The following ZNF594 variants were observed in gnomAD, a reference collection of about 807,000 sequenced individuals.
ZNF594 encodes zinc finger protein HZF18.
For missense variants in ZNF594, 1,037 were observed against 964.6 expected, an observed-to-expected ratio of 1.08 and a Z score of -0.99; for synonymous variants, 336 against 309.4, an observed-to-expected ratio of 1.09 and a Z score of -0.90.
rs764886268 is a variant in ZNF594, at chr17:5,182,331, G to A, written c.1926C>T (p.His642=). The A allele has an allele frequency of 2.4e-5, 39 of 1,613,220 alleles. 1 individual carries two copies. The South Asian group carries it at 3.7e-4, about 15-fold the overall frequency. Residue 642 remains histidine, a synonymous_variant, in exon 2 of 2, where the codon CAC becomes CAT. Transcript: ENST00000575779. ...SFRGSSDLIK[H]HRIHTGEKPY... is the part of the protein sequence containing the mutation. ...GTTTCTCTCCAGTATGAATACGATG[G>A]TGTTTAATAAGATCTGAGCTACCCC...
At chr17:5,189,005 C>T (rs574996783) in intron 1 of ZNF594, among the ~76,000 whole-genome samples, 5 of 151,656 alleles carry the variant, frequency 3.3e-5, no homozygotes, top group African/African-American at 1.2e-4. Context: ...CCTTGGCCTC[C>T]CAAAGTGCTG....
chr17:5,178,070 G>GCT (rs2074317152), downstream of ZNF594, among the ~76,000 whole-genome samples: 1 of 142,864 alleles, frequency 7.0e-6, no homozygotes. Flanking sequence ...ATATTTTTCA[G>GCT]TTTTTTTTTT....
In ZNF594 at chr17:5,182,330, G is replaced by A; in HGVS notation, c.1927C>T (p.His643Tyr). ...FRGSSDLIKH[H>Y]RIHTGEKPYE... is the part of the protein sequence containing the mutation. The stretch of plus-strand genomic sequence containing the variant: ...GGTTTCTCTCCAGTATGAATACGAT[G>A]GTGTTTAATAAGATCTGAGCTACCC... The change falls in exon 2 of 2, where the codon CAT becomes TAT. Residue 643 changes from histidine (H) to tyrosine (Y), a missense_variant. Coordinates refer to ENST00000575779, the MANE Select transcript of ZNF594 (RefSeq NM_032530.2). 6.2e-7 allele frequency: 1 copy of A among 1,613,456 alleles called. No individual in the cohort carries two copies. The highest frequency in any genetic ancestry group is 8.5e-7 in the Non-Finnish European group (1 of 1,179,976).
At chr17:5,174,236 T>G in the ZNF594 span, 26 of 190,502 alleles carry the variant, frequency 1.4e-4, no homozygotes, top group East Asian at 2.1e-3. Flanking sequence ...TTATTTGAGG[T>G]AGAATTTTTT....
At chr17:5,177,197 T>TAAA (rs79095133), downstream of ZNF594, among the ~76,000 whole-genome samples, 1 of 106,144 alleles carries the variant, frequency 9.4e-6, no homozygotes. Context: ...CTCTGTCTCA[T>TAAA]AAAAAAAAAA....
rs973858688 is a variant in ZNF594 at position 5,181,027 on chromosome 17, A to G, written c.*806T>C. ...TTCTGGTGCTTAAGAAAAGCTGTCC[A>G]CCCACTGAAGGCCTTACCACAGTTG... On this transcript the variant is annotated 3_prime_UTR_variant, in exon 2 of 2. Coordinates refer to ENST00000575779, the MANE Select transcript of ZNF594 (RefSeq NM_032530.2). 3 of 921,556 alleles carry G rather than the reference A, an allele frequency of 3.3e-6. No homozygotes were observed. Among genetic ancestry groups the G allele is most frequent in the Non-Finnish European group, 5.2e-6 (3 of 572,864 alleles). 57.1% of individuals were successfully genotyped at this position (921,556 alleles called of 1,614,324 possible).
chr17:5,179,172 C>A (rs938624409), downstream of ZNF594, among the ~76,000 whole-genome samples: 2 of 149,812 alleles, frequency 1.3e-5, no homozygotes, highest in African/African-American at 2.4e-5. Context: ...AGCAGCCTGG[C>A]GCTCCTGGCC....
intron 1 of ZNF594, among the ~76,000 whole-genome samples, chr17:5,188,269 T>C (rs1294499557): frequency 1.7e-3 from 14 of 8,026 alleles, no homozygotes; most frequent in Middle Eastern, 0.17. Flanking sequence ...AGGCTGCCCT[T>C]TTTTTTTTTT....
intron 1 of ZNF594, among the ~76,000 whole-genome samples, chr17:5,190,879 G>A (rs2074418373): frequency 6.6e-6 from 1 of 151,990 alleles, no homozygotes; most frequent in African/African-American, 2.4e-5. Flanking sequence ...GAGGCAAGCT[G>A]CACCAGCAGC....
chr17:5,189,428 T>C lies in ZNF594; in HGVS notation c.-21+2320A>G, dbSNP rs1010307503. 4.6e-5 allele frequency among the ~76,000 whole-genome samples: 7 copies of C among 151,490 alleles called. No individual in the cohort carries two copies. The East Asian group carries it at 1.2e-3, about 25-fold the overall frequency. On this transcript the variant is annotated intron_variant, in intron 1 of 1. Transcript: ENST00000575779. ...ACACATGGCTAAGTTTTTGTAGAGA[T>C]GGGGCTTGCCGTGTTGTCCAGGGTG...
downstream of ZNF594, among the ~76,000 whole-genome samples, chr17:5,179,138 G>A (rs969025499): frequency 8.0e-5 from 12 of 150,912 alleles, no homozygotes; most frequent in Non-Finnish European, 1.3e-4. Flanking sequence ...AGCTCCTGGC[G>A]GGCTGCAGGG....
rs745455163 is a variant in ZNF594 at position 5,183,511 on chromosome 17, C to A, written c.746G>T (p.Ser249Ile). Residue 249 changes from serine to isoleucine, a missense_variant, in exon 2 of 2, where the codon AGT (serine) becomes ATT (isoleucine). Transcript: ENST00000575779. Reference protein sequence around the residue: ...YLCNKCGKAFSQSTDLIIHHR... With the variant: ...YLCNKCGKAFIQSTDLIIHHR... ...ATGTATAATAAGATCTGTGCTTTGA[C>A]TGAAAGCCTTCCCACATTTATTGCA... The A allele has an allele frequency of 6.2e-7, 1 of 1,614,186 alleles. No individual in the cohort carries two copies. Among genetic ancestry groups the A allele is most frequent in the Non-Finnish European group, 8.5e-7 (1 of 1,180,040 alleles).
Position 5,182,823 on chromosome 17 carries a change from G to C in ZNF594, c.1434C>G (p.His478Gln), listed in dbSNP as rs1225357359. 6.2e-7 allele frequency: 1 copy of C among 1,613,896 alleles called. No homozygotes were observed. The highest frequency in any genetic ancestry group is 1.1e-5 in the South Asian group (1 of 91,060). The change falls in exon 2 of 2, where the codon CAC becomes CAG. Residue 478 changes from histidine to glutamine, a missense_variant. Coordinates refer to ENST00000575779, the MANE Select transcript of ZNF594 (RefSeq NM_032530.2). ...AFSQRSHLVT[H>Q]QKIHTGEKPY... ...GCTTCTCTCCAGTATGGATTTTCTG[G>C]TGTGTAACAAGGTGTGACCTCTGGC...
rs1001038827 is a variant in ZNF594 at position 5,180,609 on chromosome 17, G to C, written c.*1224C>G. ...ACCCTTTGGGAGGCTGAGGAGGGAGGAGTGCTTGAGCCCAAGAGTTCAAGT... is the reference window on the plus strand; with the variant it reads ...ACCCTTTGGGAGGCTGAGGAGGGAGCAGTGCTTGAGCCCAAGAGTTCAAGT... On this transcript the variant is annotated 3_prime_UTR_variant, in exon 2 of 2. Coordinates refer to ENST00000575779, the MANE Select transcript of ZNF594 (RefSeq NM_032530.2). 2 of 189,490 alleles carry C rather than the reference G, an allele frequency of 1.1e-5. No homozygotes were observed. Among genetic ancestry groups the C allele is most frequent in the African/African-American group, 4.8e-5 (2 of 41,680 alleles). 11.7% of individuals were successfully genotyped at this position (189,490 alleles called of 1,614,324 possible).
At chr17:5,187,948 C>A (rs948786892) in intron 1 of ZNF594, among the ~76,000 whole-genome samples, 5 of 146,934 alleles carry the variant, frequency 3.4e-5, no homozygotes, top group Non-Finnish European at 7.4e-5. Context: ...GTCTCACACT[C>A]CTGGGCTCAG....
At chr17:5,176,051 G>C (rs949325133), downstream of ZNF594, among the ~76,000 whole-genome samples, 1 of 152,202 alleles carries the variant, frequency 6.6e-6, no homozygotes, top group African/African-American at 2.4e-5. Flanking sequence ...CGCTAAAAGA[G>C]TTTAATAGTA....
downstream of ZNF594, among the ~76,000 whole-genome samples, chr17:5,178,070 GT>G (rs59337751): frequency 9.8e-5 from 14 of 142,874 alleles, no homozygotes; most frequent in Admixed American, 2.1e-4. Flanking sequence ...ATATTTTTCA[GT>G]TTTTTTTTTT....
At chr17:5,185,232 T>C (rs1014221830) in intron 1 of ZNF594, among the ~76,000 whole-genome samples, 1 of 152,190 alleles carries the variant, frequency 6.6e-6, no homozygotes, top group Non-Finnish European at 1.5e-5. Flanking sequence ...AAAAGAGGTT[T>C]AGTTGGACTT....
intron 1 of ZNF594, among the ~76,000 whole-genome samples, chr17:5,189,393 A>G (rs1598138436): frequency 6.6e-6 from 1 of 151,838 alleles, no homozygotes. Context: ...GATTACAGGC[A>G]TGCTGCAGCA....
Sources: allele counts gnomAD v4.1 joint callset (sites outside exome capture counted in the v4.1 genomes callset), GRCh38; gene constraint gnomAD v4.1.1; transcripts MANE v1.5; gene names NCBI Gene and HGNC (gene_info 2026-07-23, HGNC 2026-07-21).